TMEM260: variants seen among roughly 807,000 people sequenced by gnomAD.
TMEM260 encodes protein O-mannosyl-transferase TMEM260.
A neutral mutation model predicts 88.9 loss-of-function variants in TMEM260; 82 were observed. The observed-to-expected ratio is 0.92, with a 90% CI of 0.77 to 1.11. The LOEUF (loss-of-function observed/expected upper bound fraction) is 1.11. TMEM260 is among the 50% of genes least tolerant of loss of function. TMEM260 has a pLI of 0.00. For synonymous variants in TMEM260, 314 were observed against 309.3 expected, an observed-to-expected ratio of 1.02 and a Z score of -0.16; for missense variants, 902 against 853.4, an observed-to-expected ratio of 1.06 and a Z score of -0.71.
At chr14:56,616,730 ATAAC>A (rs1887616082) in intron 8 of TMEM260, among the ~76,000 whole-genome samples, 1 of 152,082 alleles carries the variant, frequency 6.6e-6, no homozygotes, top group Non-Finnish European at 1.5e-5. Flanking sequence ...TGCATGATAA[ATAAC>A]TGAGTCAATG....
In TMEM260 at chr14:56,647,335, G is replaced by C; in HGVS notation, c.1962G>C (p.Gln654His). 4 of 1,614,218 alleles carry C rather than the reference G, an allele frequency of 2.5e-6. No homozygotes were observed. Among genetic ancestry groups the C allele is most frequent in the Non-Finnish European group, 3.4e-6 (4 of 1,180,042 alleles). Reference sequence around the variant, plus strand: ...CCTGTGAGCGGATGCTGCGTCTTCAGGCAAGAGATGCAGATCCTGAAGTGC... The same window carrying C: ...CCTGTGAGCGGATGCTGCGTCTTCACGCAAGAGATGCAGATCCTGAAGTGC... The part of the protein sequence containing the change: ...AIACERMLRL[Q>H]ARDADPEVLL... The change falls in exon 16 of 16, where the codon CAG becomes CAC. Residue 654 changes from glutamine (Q) to histidine (H), a missense_variant. Physicochemically the swap from Gln to His is conservative, Grantham distance 24. Coordinates refer to ENST00000261556, the MANE Select transcript of TMEM260 (RefSeq NM_017799.4).
chr14:56,630,111 C>T (rs548020907), intron 12 of TMEM260, among the ~76,000 whole-genome samples: 1 of 151,708 alleles, frequency 6.6e-6, no homozygotes, highest in East Asian at 1.9e-4. Flanking sequence ...ATTAGAAATC[C>T]ACAGTAATTC....
intron 3 of TMEM260, among the ~76,000 whole-genome samples, chr14:56,601,277 T>G (rs947737513): frequency 8.5e-5 from 13 of 152,282 alleles, no homozygotes; most frequent in African/African-American, 3.1e-4. Context: ...CATTATAGAT[T>G]AGTGAATGTT....
intron 3 of TMEM260, among the ~76,000 whole-genome samples, chr14:56,591,526 C>T (rs369686716): frequency 2.6e-5 from 4 of 152,290 alleles, no homozygotes; most frequent in African/African-American, 7.2e-5. Context: ...AAGGACTTAG[C>T]GTGATGATAT....
chr14:56,615,674 A>C (rs1458976272), intron 7 of TMEM260: 1 of 372,626 alleles, frequency 2.7e-6, no homozygotes, highest in Non-Finnish European at 4.9e-6. Flanking sequence ...ACAGTATACC[A>C]ATATAAAAAA....
At chr14:56,580,437 T>C (rs1237829633) in intron 1 of TMEM260, among the ~76,000 whole-genome samples, 1 of 152,228 alleles carries the variant, frequency 6.6e-6, no homozygotes, top group Admixed American at 6.5e-5. Flanking sequence ...AAAAGAACAG[T>C]AGTGGCGAAC....
rs776397144 is a variant in TMEM260, at chr14:56,612,246, C to T, written c.818C>T (p.Ala273Val). Residue 273 changes from alanine to valine, a missense_variant and splice_region_variant, in exon 7 of 16, where the codon GCC becomes GTC. Physicochemically the swap from Ala to Val is moderately conservative, Grantham distance 64. Transcript: ENST00000261556. ...LREEYGTFSLAKSEIGSSMSE... is the reference protein window; with the variant it reads ...LREEYGTFSLVKSEIGSSMSE... ...TAAACTTTTGTCTTTTGTGTTTAGG[C>T]CAAATCTGAAATAGGATCCAGTATG... 3 of 1,613,294 alleles carry T rather than the reference C, an allele frequency of 1.9e-6. No individual in the cohort carries two copies. In the South Asian group the frequency reaches 3.3e-5, roughly 18 times the overall value.
At chr14:56,654,814 C>CAAAA (rs750160414), downstream of TMEM260, among the ~76,000 whole-genome samples, 10 of 51,802 alleles carry the variant, frequency 1.9e-4, no homozygotes, top group Admixed American at 2.8e-4. Context: ...AACTCCATCT[C>CAAAA]AAAAAAAAAA....
the TMEM260 span, among the ~76,000 whole-genome samples, chr14:56,656,494 C>A: frequency 2.0e-5 from 3 of 152,112 alleles, no homozygotes; most frequent in Admixed American, 2.0e-4. Flanking sequence ...TAATAGACTA[C>A]CTCATGGTGC....
intron 12 of TMEM260, among the ~76,000 whole-genome samples, chr14:56,630,722 T>C (rs1888537245): frequency 6.6e-6 from 1 of 152,164 alleles, no homozygotes; most frequent in Non-Finnish European, 1.5e-5. Flanking sequence ...AGTTGAGATT[T>C]TTCTGGTTCT....
At position 56,603,935 on chromosome 14, in the gene TMEM260, G is replaced by T. The variant is rs1431768889; in HGVS notation, c.465G>T (p.Leu155=). ...VFSLNNLFVG[L]LMALTVHFEE... is the part of the protein sequence containing the mutation. ...GCTTAAACAATCTCTTTGTGGGGCT[G>T]CTTATGGCTCTTACTGTACATTTTG... Residue 155 remains leucine (L), a synonymous_variant, in exon 4 of 16, where the codon CTG becomes CTT. Coordinates refer to ENST00000261556, the MANE Select transcript of TMEM260 (RefSeq NM_017799.4). The T allele has an allele frequency of 1.2e-6, 2 of 1,612,158 alleles. No homozygotes were observed. Among genetic ancestry groups the T allele is most frequent in the Non-Finnish European group, 1.7e-6 (2 of 1,179,358 alleles).
chr14:56,647,708 A>G lies in TMEM260; in HGVS notation c.*211A>G. On this transcript the variant is annotated 3_prime_UTR_variant, in exon 16 of 16. Coordinates refer to ENST00000261556, the MANE Select transcript of TMEM260 (RefSeq NM_017799.4). ...AAATTCTGTTTATCCCGTGTTACCA[A>G]ATTACCATTTCAGTGAGAAGCTTTT... 1 of 536,770 alleles carries G rather than the reference A, an allele frequency of 1.9e-6. No homozygotes were observed. Among genetic ancestry groups the G allele is most frequent in the East Asian group, 3.4e-5 (1 of 29,660 alleles). The allele number at this position is 536,770 out of a possible 1,614,324, so 33.3% of individuals were successfully genotyped here.
chr14:56,645,481 G>C (rs8013548), intron 15 of TMEM260, among the ~76,000 whole-genome samples: 1 of 147,592 alleles, frequency 6.8e-6, no homozygotes, highest in East Asian at 2.0e-4. Flanking sequence ...CATCACACTC[G>C]GGGGACTGTT....
chr14:56,609,836 A>G (rs2139568611), intron 6 of TMEM260, among the ~76,000 whole-genome samples: 1 of 152,314 alleles, frequency 6.6e-6, no homozygotes, highest in Middle Eastern at 3.4e-3. Flanking sequence ...CCTAAGACAT[A>G]TTAGGGGAAC....
At chr14:56,651,186 A>G (rs1382843619), downstream of TMEM260, among the ~76,000 whole-genome samples, 1 of 152,182 alleles carries the variant, frequency 6.6e-6, no homozygotes, top group African/African-American at 2.4e-5. Flanking sequence ...TGAAGACATC[A>G]TTGTCAGCAC....
chr14:56,627,826 A>G (rs925036229), intron 12 of TMEM260, among the ~76,000 whole-genome samples: 2 of 152,166 alleles, frequency 1.3e-5, no homozygotes, highest in African/African-American at 4.8e-5. Context: ...ACCCGTGTAT[A>G]CATTTGTGTA....
At chr14:56,625,596 C>A in intron 12 of TMEM260, 66 bp downstream of exon 12, 1 of 1,362,606 alleles carries the variant, frequency 7.3e-7, no homozygotes, top group Non-Finnish European at 1.0e-6. Context: ...GTTTCTGTAG[C>A]AGTTGTGCAT....
chr14:56,651,775 C>G (rs571595148), downstream of TMEM260, among the ~76,000 whole-genome samples: 75 of 152,234 alleles, frequency 4.9e-4, no homozygotes, highest in Middle Eastern at 6.8e-3. Context: ...TAAGGTTTAA[C>G]CATTTCAAAA....
intron 8 of TMEM260, 65 bp from the exon 9 acceptor site, chr14:56,617,118 T>C (rs1423042079): frequency 3.1e-6 from 3 of 959,816 alleles, no homozygotes; most frequent in Non-Finnish European, 4.5e-6. Flanking sequence ...TTTAAAGTCC[T>C]GTGATATTAT....
Sources: allele counts gnomAD v4.1 joint callset (sites outside exome capture counted in the v4.1 genomes callset), GRCh38; gene constraint gnomAD v4.1.1; transcripts MANE v1.5; gene names NCBI Gene and HGNC (gene_info 2026-07-23, HGNC 2026-07-21).